Variants in TSHZ2 observed in about 807,000 individuals in gnomAD.
TSHZ2 encodes the protein teashirt homolog 2.
A neutral mutation model predicts 74.4 loss-of-function variants in TSHZ2; 21 were observed. The observed-to-expected ratio is 0.28, with a 90% CI of 0.20 to 0.41. TSHZ2 has a LOEUF of 0.41. Ranked by LOEUF, TSHZ2 falls within the 10% of genes least tolerant of loss-of-function variation. The pLI, the probability that TSHZ2 is intolerant of heterozygous loss-of-function variation, is 1.00. For missense variants in TSHZ2, 1,244 were observed against 1,293.5 expected, an observed-to-expected ratio of 0.96 and a Z score of 0.59; for synonymous variants, 540 against 515.3, an observed-to-expected ratio of 1.05 and a Z score of -0.65.
chr20:53,271,680 C>A (rs181300054), intron 2 of TSHZ2, among the ~76,000 whole-genome samples: 1 of 152,016 alleles, frequency 6.6e-6, no homozygotes, highest in Admixed American at 6.6e-5. Flanking sequence ...AAGGAGCTAG[C>A]CAGGAGGATA....
At chr20:53,148,092 A>G (rs913694982) in intron 1 of TSHZ2, among the ~76,000 whole-genome samples, 1 of 152,240 alleles carries the variant, frequency 6.6e-6, no homozygotes, top group African/African-American at 2.4e-5. Flanking sequence ...AACCTGATAA[A>G]TACAAATGTG....
chr20:53,181,349 G>T (rs1396891104), intron 1 of TSHZ2, among the ~76,000 whole-genome samples: 1 of 152,122 alleles, frequency 6.6e-6, no homozygotes, highest in Non-Finnish European at 1.5e-5. Context: ...GAGTGTCTGG[G>T]GTGTAATTGC....
At chr20:53,043,466 A>G (rs77860563) in intron 1 of TSHZ2, among the ~76,000 whole-genome samples, 3,996 of 152,190 alleles carry the variant, frequency 0.026, 175 homozygotes, top group African/African-American at 0.091. Flanking sequence ...CAAAATGCCA[A>G]TAGCACCAAG....
intron 2 of TSHZ2, among the ~76,000 whole-genome samples, chr20:53,326,836 A>C (rs146396690): frequency 2.3e-4 from 35 of 152,368 alleles, no homozygotes; most frequent in African/African-American, 8.4e-4. Context: ...AATCTGGGAA[A>C]ATCTTACACT....
intron 1 of TSHZ2, among the ~76,000 whole-genome samples, chr20:53,153,245 C>T (rs148640537): frequency 8.5e-5 from 13 of 152,342 alleles, no homozygotes; most frequent in Admixed American, 2.0e-4. Flanking sequence ...TAAATGTCCC[C>T]AGCCTGGGAT....
intron 2 of TSHZ2, among the ~76,000 whole-genome samples, chr20:53,303,143 C>T (rs1044846207): frequency 6.6e-5 from 10 of 152,160 alleles, no homozygotes; most frequent in African/African-American, 9.7e-5. Flanking sequence ...AGGCAACAGT[C>T]CAAATATCTA....
chr20:53,040,717 T>C (rs1434247875), intron 1 of TSHZ2, among the ~76,000 whole-genome samples: 1 of 152,026 alleles, frequency 6.6e-6, no homozygotes, highest in Non-Finnish European at 1.5e-5. Flanking sequence ...TTTTTCCTGT[T>C]TGTTTGGGGA....
intron 2 of TSHZ2, among the ~76,000 whole-genome samples, chr20:53,434,580 G>A (rs1332301298): frequency 1.3e-5 from 2 of 152,216 alleles, no homozygotes; most frequent in Admixed American, 6.5e-5. Context: ...TGAGTTGTCC[G>A]TTAGGGGGAT....
intron 1 of TSHZ2, among the ~76,000 whole-genome samples, chr20:53,038,181 G>A: frequency 7.9e-6 from 1 of 126,470 alleles, no homozygotes; most frequent in Non-Finnish European, 1.6e-5. Flanking sequence ...GACAAGAGCG[G>A]GATTCCGTCT....
chr20:52,998,353 G>A (rs949054286), intron 1 of TSHZ2, among the ~76,000 whole-genome samples: 1 of 152,162 alleles, frequency 6.6e-6, no homozygotes, highest in Non-Finnish European at 1.5e-5. Context: ...ATTTTCAGTA[G>A]AGACCGGGTT....
intron 1 of TSHZ2, among the ~76,000 whole-genome samples, chr20:53,029,807 A>C (rs1983572324): frequency 6.6e-6 from 1 of 152,186 alleles, no homozygotes; most frequent in African/African-American, 2.4e-5. Flanking sequence ...TATAAAACTC[A>C]AAGTGGGAGG....
intron 2 of TSHZ2, among the ~76,000 whole-genome samples, chr20:53,350,213 A>G (rs1290603737): frequency 6.6e-6 from 1 of 152,266 alleles, no homozygotes; most frequent in Non-Finnish European, 1.5e-5. Flanking sequence ...ACTCGAATGT[A>G]GACATCTCAG....
chr20:53,420,246 G>A (rs1983420871), intron 2 of TSHZ2, among the ~76,000 whole-genome samples: 1 of 152,202 alleles, frequency 6.6e-6, no homozygotes, highest in African/African-American at 2.4e-5. Context: ...GTTCAAAACA[G>A]AGTGGTCAGG....
Position 53,233,974 on chromosome 20 carries a change from A to T in TSHZ2, c.41-19525A>T, listed in dbSNP as rs529661773. On this transcript the variant is annotated intron_variant, in intron 1 of 2. Coordinates refer to ENST00000371497, the MANE Select transcript of TSHZ2 (RefSeq NM_173485.6). The stretch of plus-strand genomic sequence containing the variant: ...TTAGGAAGCATATTCAATAGCCCTG[A>T]TGTGTATCACTTATAGCCCAGGCCC... 5.7e-4 allele frequency among the ~76,000 whole-genome samples: 87 copies of T among 152,310 alleles called. 5 individuals are homozygous for T. In the South Asian group the frequency reaches 0.016, roughly 29 times the overall value.
At chr20:53,104,714 A>G (rs1986314466) in intron 1 of TSHZ2, among the ~76,000 whole-genome samples, 1 of 152,204 alleles carries the variant, frequency 6.6e-6, no homozygotes, top group South Asian at 2.1e-4. Flanking sequence ...AGGCTAAGAG[A>G]AAACCAAGAA....
intron 1 of TSHZ2, among the ~76,000 whole-genome samples, chr20:53,245,300 A>G (rs1424314090): frequency 6.6e-6 from 1 of 152,200 alleles, no homozygotes; most frequent in African/African-American, 2.4e-5. Flanking sequence ...GGTCTGCCTG[A>G]TCCTAAGGCT....
intron 2 of TSHZ2, among the ~76,000 whole-genome samples, chr20:53,347,956 AC>A (rs1177461104): frequency 6.6e-6 from 1 of 152,074 alleles, no homozygotes; most frequent in African/African-American, 2.4e-5. Flanking sequence ...AAACTCCCAT[AC>A]CCGTAACGTG....
intron 2 of TSHZ2, among the ~76,000 whole-genome samples, chr20:53,314,902 G>A (rs111451387): frequency 5.9e-5 from 9 of 152,226 alleles, no homozygotes; most frequent in African/African-American, 1.7e-4. Flanking sequence ...GATTACAGGC[G>A]TGAGCCACCA....
chr20:53,257,176 C>A (rs1331379945), intron 2 of TSHZ2, among the ~76,000 whole-genome samples: 1 of 152,198 alleles, frequency 6.6e-6, no homozygotes, highest in Non-Finnish European at 1.5e-5. Context: ...CATTAAGTGT[C>A]CTATGAATGA....
Sources: allele counts gnomAD v4.1 joint callset (sites outside exome capture counted in the v4.1 genomes callset), GRCh38; gene constraint gnomAD v4.1.1; transcripts MANE v1.5; gene names NCBI Gene and HGNC (gene_info 2026-07-23, HGNC 2026-07-21).